SYNPR: variants seen among roughly 807,000 people sequenced by gnomAD.
SYNPR encodes synaptoporin.
Under a neutral mutation model 32.9 loss-of-function variants are expected in SYNPR, and 23 were observed. That is an observed-to-expected ratio of 0.70 (90% CI 0.50 to 0.99). SYNPR has a LOEUF of 0.99. Ranked by LOEUF, SYNPR falls within the 50% of genes least tolerant of loss-of-function variation. The probability of loss-of-function intolerance (pLI) is 0.00; values close to 1 mark genes in which losing one functional copy is unlikely to be tolerated. For synonymous variants in SYNPR, 146 were observed against 135.9 expected (o/e 1.07, Z -0.52); for missense variants, 318 against 349.3 (o/e 0.91, Z 0.71).
At chr3:63,606,835 T>C (rs1396198801) in intron 4 of SYNPR, among the ~76,000 whole-genome samples, 1 of 152,228 alleles carries the variant, frequency 6.6e-6, no homozygotes, top group African/African-American at 2.4e-5. Context: ...TTCAACCAAT[T>C]TGTTTAACCT....
At chr3:63,341,686 A>G (rs983973663) in intron 2 of SYNPR, among the ~76,000 whole-genome samples, 4 of 152,116 alleles carry the variant, frequency 2.6e-5, no homozygotes, top group African/African-American at 7.2e-5. Context: ...TCTTTTGCTT[A>G]ATTTTACTTA....
At chr3:63,554,624 G>A (rs1333028560) in intron 3 of SYNPR, among the ~76,000 whole-genome samples, 1 of 152,114 alleles carries the variant, frequency 6.6e-6, no homozygotes, top group Non-Finnish European at 1.5e-5. Context: ...TTGTGGTATA[G>A]TTTGAAATTG....
intron 3 of SYNPR, among the ~76,000 whole-genome samples, chr3:63,517,779 G>C (rs1701828082): frequency 6.6e-6 from 1 of 152,182 alleles, no homozygotes. Context: ...TCAGAAGGGA[G>C]AGGCTATAGC....
chr3:63,537,937 C>T (rs28680385), intron 3 of SYNPR, among the ~76,000 whole-genome samples: 44 of 151,934 alleles, frequency 2.9e-4, no homozygotes, highest in African/African-American at 9.7e-4. Flanking sequence ...GGACATCTAC[C>T]CCTGGTTGTC....
intron 2 of SYNPR, among the ~76,000 whole-genome samples, chr3:63,380,396 G>A (rs558185581): frequency 1.3e-5 from 2 of 152,278 alleles, no homozygotes; most frequent in African/African-American, 4.8e-5. Flanking sequence ...GGTGTGAGAT[G>A]GTATCTCACT....
intron 2 of SYNPR, among the ~76,000 whole-genome samples, chr3:63,475,600 C>T (rs556245922): frequency 9.9e-5 from 15 of 152,260 alleles, no homozygotes; most frequent in South Asian, 4.1e-4. Flanking sequence ...GAGCATAGCG[C>T]GCACACACAC....
intron 3 of SYNPR, among the ~76,000 whole-genome samples, chr3:63,503,483 A>T (rs1286290782): frequency 6.6e-6 from 1 of 152,140 alleles, no homozygotes; most frequent in Non-Finnish European, 1.5e-5. Flanking sequence ...ATTGTACAAT[A>T]TCAAAATGGC....
intron 2 of SYNPR, among the ~76,000 whole-genome samples, chr3:63,327,275 A>T (rs1163731784): frequency 6.6e-6 from 1 of 152,138 alleles, no homozygotes; most frequent in Non-Finnish European, 1.5e-5. Context: ...ACTTTTTTAC[A>T]CTGTTGGTAG....
At chr3:63,517,539 T>G (rs1701823716) in intron 3 of SYNPR, among the ~76,000 whole-genome samples, 1 of 152,174 alleles carries the variant, frequency 6.6e-6, no homozygotes, top group South Asian at 2.1e-4. Flanking sequence ...GAATCCAGAA[T>G]TACTTCATAA....
chr3:63,277,925 A>C (rs541718819), upstream of SYNPR, among the ~76,000 whole-genome samples: 1 of 152,292 alleles, frequency 6.6e-6, no homozygotes, highest in South Asian at 2.1e-4. Context: ...GGAATGAATG[A>C]AAGAGCCAAC....
intron 2 of SYNPR, among the ~76,000 whole-genome samples, chr3:63,301,772 G>T (rs1223938065): frequency 1.3e-5 from 2 of 152,060 alleles, no homozygotes; most frequent in African/African-American, 4.8e-5. Context: ...GCAGCTGGAT[G>T]CTTATGACAC....
At chr3:63,469,545 C>T (rs1361707290) in intron 2 of SYNPR, among the ~76,000 whole-genome samples, 1 of 152,216 alleles carries the variant, frequency 6.6e-6, no homozygotes, top group East Asian at 1.9e-4. Flanking sequence ...ATTCAGAAGA[C>T]TCTCTCTAAT....
rs907924303 is a variant in SYNPR, at chr3:63,532,169, A to G, written c.210-24374A>G. Among the ~76,000 whole-genome samples, 8 of 152,338 alleles carry G rather than the reference A, an allele frequency of 5.3e-5. No homozygotes were observed. In the East Asian group the frequency reaches 1.5e-3, roughly 29 times the overall value. ...GAGCATTGGCTAATTATTCTATCAAATTAAACCATCCTCTTTGAAAAACTG... is the reference window on the plus strand; with the variant it reads ...GAGCATTGGCTAATTATTCTATCAAGTTAAACCATCCTCTTTGAAAAACTG... On this transcript the variant is annotated intron_variant, in intron 3 of 5. Coordinates refer to ENST00000478300, the MANE Select transcript of SYNPR (RefSeq NM_001130003.2).
intron 4 of SYNPR, among the ~76,000 whole-genome samples, chr3:63,574,017 T>C (rs914716546): frequency 1.3e-5 from 2 of 152,160 alleles, no homozygotes; most frequent in African/African-American, 4.8e-5. Context: ...CTTTCCCTGC[T>C]GTGGATGATG....
At chr3:63,443,072 C>A (rs368437602) in intron 2 of SYNPR, 15 of 1,021,504 alleles carry the variant, frequency 1.5e-5, no homozygotes, top group Non-Finnish European at 1.8e-5. Context: ...GCAGCCTGCT[C>A]GTGCAAAGCA....
At chr3:63,553,717 T>C (rs1702542449) in intron 3 of SYNPR, among the ~76,000 whole-genome samples, 1 of 152,160 alleles carries the variant, frequency 6.6e-6, no homozygotes, top group Non-Finnish European at 1.5e-5. Flanking sequence ...ATGTCTTTTT[T>C]GTTTGTTTGT....
chr3:63,573,096 G>A (rs1465441697), intron 4 of SYNPR, among the ~76,000 whole-genome samples: 1 of 152,092 alleles, frequency 6.6e-6, no homozygotes, highest in African/African-American at 2.4e-5. Flanking sequence ...GATCCATCAG[G>A]GAAAATATCT....
chr3:63,208,898 T>C, the SYNPR span, among the ~76,000 whole-genome samples: 5 of 152,320 alleles, frequency 3.3e-5, no homozygotes, highest in Admixed American at 1.3e-4. Context: ...CCTTTTACAA[T>C]GTACTACTTC....
At position 63,576,007 on chromosome 3, in the gene SYNPR, C is replaced by T. The variant is rs1702973599; in HGVS notation, c.408+19266C>T. ...TTTTATTATGAGCAAATACTAGAGA[C>T]AATAAAGTTACTATCTTTAACTTTA... On this transcript the variant is annotated intron_variant, in intron 4 of 5. Transcript: ENST00000478300. Among the ~76,000 whole-genome samples, 6 of 152,260 alleles carry T rather than the reference C, an allele frequency of 3.9e-5. No individual in the cohort carries two copies. In the South Asian group the frequency reaches 1.2e-3, roughly 32 times the overall value.
Sources: allele counts gnomAD v4.1 joint callset (sites outside exome capture counted in the v4.1 genomes callset), GRCh38; gene constraint gnomAD v4.1.1; transcripts MANE v1.5; gene names NCBI Gene and HGNC (gene_info 2026-07-23, HGNC 2026-07-21).